Variants in KMO observed in about 807,000 individuals in gnomAD.
KMO encodes the protein kynurenine 3-hydroxylase.
In KMO, 24 loss-of-function variants were observed where a neutral mutation model predicts 57.8. That is an observed-to-expected ratio of 0.42 (90% confidence interval 0.30 to 0.58). The LOEUF (loss-of-function observed/expected upper bound fraction) is 0.58. KMO is among the 20% of genes least tolerant of loss of function. The pLI is 0.22. For synonymous variants in KMO, 210 were observed against 193.6 expected (o/e 1.08, Z -0.70); for missense variants, 483 against 588.2 (o/e 0.82, Z 1.85).
rs189323878 is a variant in KMO at position 241,577,916 on chromosome 1, C to A, written c.958-8763C>A. 7.3e-4 allele frequency among the ~76,000 whole-genome samples: 111 copies of A among 152,264 alleles called. 1 individual carries two copies. The East Asian group carries it at 0.019, about 26-fold the overall frequency. On this transcript the variant is annotated intron_variant, in intron 10 of 14. Coordinates refer to ENST00000366559, the MANE Select transcript of KMO (RefSeq NM_003679.5). The stretch of plus-strand genomic sequence containing the variant: ...ACCTCTCCCCTTTTCCTTCTGGCCT[C>A]CCCTGCCAGGCCAACTGGAAAGTGA...
chr1:241,567,378 T>C (rs1662123064), intron 9 of KMO, among the ~76,000 whole-genome samples: 1 of 152,220 alleles, frequency 6.6e-6, no homozygotes, highest in Non-Finnish European at 1.5e-5. Context: ...TGTCTTCACA[T>C]GCTGGAAGGG....
chr1:241,586,605 A>G (rs771438433), intron 10 of KMO, 74 bp from the exon 11 acceptor site: 1 of 983,924 alleles, frequency 1.0e-6, no homozygotes, highest in East Asian at 2.5e-5. Context: ...TGGAATATCT[A>G]TTCAAAATCA....
intron 10 of KMO, among the ~76,000 whole-genome samples, chr1:241,578,134 C>CTA (rs978300857): frequency 2.6e-5 from 4 of 152,158 alleles, no homozygotes; most frequent in African/African-American, 9.7e-5. Flanking sequence ...GAATGGCTGT[C>CTA]TATAGGCCAC....
chr1:241,586,451 C>T (rs191352253), intron 10 of KMO: 7 of 447,376 alleles, frequency 1.6e-5, no homozygotes, highest in Admixed American at 1.1e-4. Flanking sequence ...CCGCTCACCT[C>T]GGCCTCCCAA....
intron 3 of KMO, among the ~76,000 whole-genome samples, chr1:241,550,735 T>G (rs1413094690): frequency 6.6e-6 from 1 of 152,220 alleles, no homozygotes; most frequent in Non-Finnish European, 1.5e-5. Context: ...AGATAAATTT[T>G]AAGCCGGTTC....
intron 10 of KMO, among the ~76,000 whole-genome samples, chr1:241,569,651 T>C (rs186328620): frequency 6.6e-6 from 1 of 152,124 alleles, no homozygotes; most frequent in African/African-American, 2.4e-5. Flanking sequence ...TATACTGATG[T>C]TCTTTCTTTT....
intron 1 of KMO, among the ~76,000 whole-genome samples, chr1:241,535,836 G>GTT: frequency 6.6e-6 from 1 of 152,328 alleles, no homozygotes; most frequent in South Asian, 2.1e-4. Context: ...CAATCAACCT[G>GTT]TGAAGGCTTC....
At chr1:241,558,613 A>G (rs1433812921) in intron 5 of KMO, among the ~76,000 whole-genome samples, 2 of 152,198 alleles carry the variant, frequency 1.3e-5, no homozygotes, top group Non-Finnish European at 2.9e-5. Context: ...TAAGTCTGAC[A>G]AACCTTGCAT....
At chr1:241,540,678 T>A (rs1469079483) in intron 1 of KMO, among the ~76,000 whole-genome samples, 2 of 152,170 alleles carry the variant, frequency 1.3e-5, no homozygotes, top group South Asian at 2.1e-4. Context: ...GAATCCATTA[T>A]GTCATATTGA....
chr1:241,540,765 T>C (rs542583520), intron 1 of KMO, among the ~76,000 whole-genome samples: 22 of 152,236 alleles, frequency 1.4e-4, no homozygotes, highest in Non-Finnish European at 2.6e-4. Flanking sequence ...CAACATCTTA[T>C]TTAGAAGATA....
intron 10 of KMO, among the ~76,000 whole-genome samples, chr1:241,582,723 A>G (rs1396669661): frequency 6.6e-6 from 1 of 152,126 alleles, no homozygotes; most frequent in Non-Finnish European, 1.5e-5. Flanking sequence ...TGAATTCTCT[A>G]TTTGAAAGGT....
At position 241,593,281 on chromosome 1, in the gene KMO, T is replaced by C. The variant is rs2147990821; in HGVS notation, c.*1128T>C. On this transcript the variant is annotated 3_prime_UTR_variant, in exon 15 of 15. Coordinates refer to ENST00000366559, the MANE Select transcript of KMO (RefSeq NM_003679.5). ...TTTACTAATTTATTCTTCGACTACA[T>C]ACTGCAGCAGAACCAGCAATACACT... 8.1e-6 allele frequency: 3 copies of C among 372,498 alleles called. No individual in the cohort carries two copies. The highest frequency in any genetic ancestry group is 7.5e-5 in the East Asian group (1 of 13,246). 23.1% of individuals were successfully genotyped at this position (372,498 alleles called of 1,614,324 possible). A position where few individuals can be genotyped will look rare whatever the true frequency, so the allele number is the denominator to read the frequency against.
Position 241,590,064 on chromosome 1 carries a change from G to A in KMO, c.1151G>A (p.Arg384Lys). Residue 384 changes from arginine to lysine, a missense_variant, in exon 13 of 15, where the codon AGA becomes AAA. Around this residue, in one of 3 missense-constraint regions of KMO, gnomAD observed 410 missense variants for 492.3 expected, o/e 0.83. Transcript: ENST00000366559. ...TTCATTTTTCAGAAGAACATGGAGA[G>A]ATTTCTTCATGCGATTATGCCATCG... ...SWFIFQKNME[R>K]FLHAIMPSTF... 1.2e-6 allele frequency: 2 copies of A among 1,613,996 alleles called. No homozygotes were observed. The highest frequency in any genetic ancestry group is 2.2e-5 in the East Asian group (1 of 44,856).
intron 7 of KMO, among the ~76,000 whole-genome samples, chr1:241,562,739 T>A (rs925315879): frequency 6.6e-6 from 1 of 152,174 alleles, no homozygotes; most frequent in Non-Finnish European, 1.5e-5. Flanking sequence ...CTCGTGAGGC[T>A]GAGGTGGAAG....
chr1:241,572,495 TTTTG>T (rs1438502183), intron 10 of KMO, among the ~76,000 whole-genome samples: 3 of 152,072 alleles, frequency 2.0e-5, no homozygotes, highest in Admixed American at 6.5e-5. Context: ...GGTTTGTTGA[TTTTG>T]TTTATTTTTT....
chr1:241,593,762 C>T lies in KMO; in HGVS notation c.*1609C>T, dbSNP rs1278680615. 1 of 154,984 alleles carries T rather than the reference C, an allele frequency of 6.5e-6. No individual in the cohort carries two copies. The highest frequency in any genetic ancestry group is 1.9e-4 in the East Asian group (1 of 5,284). 9.6% of individuals were successfully genotyped at this position (154,984 alleles called of 1,614,324 possible). Reference sequence around the variant, plus strand: ...GTAAATTTTTAGAGAAACAACAAAACAAAGAAAAAGAGCTTTGAGTCTGTA... The same window carrying T: ...GTAAATTTTTAGAGAAACAACAAAATAAAGAAAAAGAGCTTTGAGTCTGTA... On this transcript the variant is annotated 3_prime_UTR_variant, in exon 15 of 15. Transcript: ENST00000366559.
intron 9 of KMO, among the ~76,000 whole-genome samples, chr1:241,567,423 C>T (rs776024817): frequency 1.3e-5 from 2 of 152,140 alleles, no homozygotes; most frequent in Non-Finnish European, 2.9e-5. Context: ...TTTATAAAAG[C>T]ACTAATCCCA....
At chr1:241,536,410 C>G (rs1660751862) in intron 1 of KMO, 1 of 575,238 alleles carries the variant, frequency 1.7e-6, no homozygotes. Context: ...TAATCCACAT[C>G]TGAATTCAGT....
At chr1:241,550,709 A>T (rs529435836) in intron 3 of KMO, among the ~76,000 whole-genome samples, 1 of 152,300 alleles carries the variant, frequency 6.6e-6, no homozygotes, top group East Asian at 1.9e-4. Flanking sequence ...TCAATCTGTG[A>T]TATTCGATTT....
Sources: gnomAD v4.1 joint callset for allele counts (sites outside exome capture counted in the v4.1 genomes callset) on GRCh38, gnomAD v4.1.1 for gene constraint, gnomAD v4.1.1 regional missense constraint, MANE v1.5 for transcripts, NCBI Gene and HGNC (gene_info 2026-07-23, HGNC 2026-07-21) for gene names.